Variants in EMB observed in about 807,000 individuals in gnomAD.
EMB encodes the protein embigin homolog.
A neutral mutation model predicts 41.4 loss-of-function variants in EMB; 31 were observed. The observed-to-expected ratio is 0.75, with a 90% CI of 0.56 to 1.01. The LOEUF (loss-of-function observed/expected upper bound fraction) is 1.01. EMB is among the 50% of genes least tolerant of loss of function. The pLI is 0.00. For missense variants in EMB, 379 were observed against 388.3 expected, an observed-to-expected ratio of 0.98 and a Z score of 0.20; for synonymous variants, 137 against 140.4, an observed-to-expected ratio of 0.98 and a Z score of 0.17.
intron 1 of EMB, among the ~76,000 whole-genome samples, chr5:50,440,716 C>T (rs1280800171): frequency 2.0e-5 from 3 of 152,070 alleles, no homozygotes; most frequent in Non-Finnish European, 2.9e-5. Context: ...TCCCTGCAAC[C>T]ACCCACACAC....
At chr5:50,404,511 C>T (rs1294781221) in intron 5 of EMB, among the ~76,000 whole-genome samples, 3 of 151,834 alleles carry the variant, frequency 2.0e-5, no homozygotes, top group Non-Finnish European at 2.9e-5. Flanking sequence ...TGCTTAGAGT[C>T]AAATTAAGAG....
At position 50,403,555 on chromosome 5, in the gene EMB, C is replaced by T; in HGVS notation, c.601-101G>A. On this transcript the variant is annotated intron_variant, in intron 5 of 8. Coordinates refer to ENST00000303221, the MANE Select transcript of EMB (RefSeq NM_198449.3). Reference sequence around the variant, plus strand: ...CTATAAGATAATGCCAACAATATTGCTTACTAGAGAAAGGCATATTAAAGT... The same window carrying T: ...CTATAAGATAATGCCAACAATATTGTTTACTAGAGAAAGGCATATTAAAGT... 3 of 1,288,496 alleles carry T rather than the reference C, an allele frequency of 2.3e-6. No homozygotes were observed. The South Asian group carries it at 4.3e-5, about 18-fold the overall frequency. 79.8% of individuals were successfully genotyped at this position (1,288,496 alleles called of 1,614,324 possible).
chr5:50,415,341 C>G (rs1325199665), intron 2 of EMB, among the ~76,000 whole-genome samples: 4 of 152,116 alleles, frequency 2.6e-5, no homozygotes, highest in African/African-American at 9.7e-5. Context: ...TGCCTTGATT[C>G]TATACCTTGC....
chr5:50,428,476 A>T, intron 1 of EMB: 1 of 1,126,224 alleles, frequency 8.9e-7, no homozygotes, highest in Non-Finnish European at 1.1e-6. Context: ...GGCTTTTTTT[A>T]AATAACGCCT....
At chr5:50,420,012 C>T (rs1745491888) in intron 2 of EMB, among the ~76,000 whole-genome samples, 1 of 143,486 alleles carries the variant, frequency 7.0e-6, no homozygotes, top group Admixed American at 7.0e-5. Flanking sequence ...GGGAACAACA[C>T]ACATAGGGGC....
At chr5:50,411,167 A>G (rs1331536763) in intron 3 of EMB, 30 bp downstream of exon 3, 1 of 1,554,620 alleles carries the variant, frequency 6.4e-7, no homozygotes, top group Non-Finnish European at 8.7e-7. Flanking sequence ...ACTTTTGGTG[A>G]GCAAGGTAGG....
chr5:50,432,842 G>A (rs1745743316), intron 1 of EMB, among the ~76,000 whole-genome samples: 1 of 151,744 alleles, frequency 6.6e-6, no homozygotes, highest in Admixed American at 6.6e-5. Context: ...ACTTTGGGAG[G>A]CTGAGGCAGG....
intron 1 of EMB, among the ~76,000 whole-genome samples, chr5:50,429,061 A>T (rs1745670249): frequency 6.6e-6 from 1 of 151,948 alleles, no homozygotes; most frequent in African/African-American, 2.4e-5. Context: ...ACGCCCAGCT[A>T]ATTTTTGTGT....
intron 1 of EMB, among the ~76,000 whole-genome samples, chr5:50,433,965 C>T (rs1322981973): frequency 6.6e-6 from 1 of 152,184 alleles, no homozygotes; most frequent in Non-Finnish European, 1.5e-5. Context: ...CATGATCATC[C>T]TCCCTCTGTA....
intron 2 of EMB, among the ~76,000 whole-genome samples, chr5:50,415,548 G>C (rs1366138169): frequency 1.3e-5 from 2 of 152,104 alleles, no homozygotes; most frequent in African/African-American, 4.8e-5. Flanking sequence ...ATCATATATG[G>C]TGCTAAGGGT....
chr5:50,408,369 T>A (rs1490834774), intron 4 of EMB, among the ~76,000 whole-genome samples: 1 of 152,056 alleles, frequency 6.6e-6, no homozygotes, highest in Non-Finnish European at 1.5e-5. Flanking sequence ...AATCAGCAAC[T>A]TATTAGCAGT....
At chr5:50,406,686 A>G (rs933481064) in intron 4 of EMB, among the ~76,000 whole-genome samples, 1 of 151,882 alleles carries the variant, frequency 6.6e-6, no homozygotes, top group African/African-American at 2.4e-5. Context: ...TCATCAACTA[A>G]GATTATTTTG....
chr5:50,411,734 C>T (rs1378032529), intron 2 of EMB: 1 of 158,742 alleles, frequency 6.3e-6, no homozygotes, highest in Non-Finnish European at 1.4e-5. Flanking sequence ...CAAACACACA[C>T]TCATGGGTGA....
At chr5:50,437,003 G>C (rs1745814590) in intron 1 of EMB, among the ~76,000 whole-genome samples, 1 of 152,194 alleles carries the variant, frequency 6.6e-6, no homozygotes, top group South Asian at 2.1e-4. Flanking sequence ...GGGCACCGTA[G>C]CTCTCGCCTA....
intron 2 of EMB, among the ~76,000 whole-genome samples, chr5:50,418,163 A>G (rs1422459063): frequency 6.6e-6 from 1 of 152,252 alleles, no homozygotes; most frequent in African/African-American, 2.4e-5. Flanking sequence ...TCTACAACAT[A>G]GAGAACACTG....
At position 50,403,226 on chromosome 5, in the gene EMB, T is replaced by G; in HGVS notation, c.829A>C (p.Thr277Pro). 1 of 1,612,228 alleles carries G rather than the reference T, an allele frequency of 6.2e-7. No individual in the cohort carries two copies. The highest frequency in any genetic ancestry group is 8.5e-7 in the Non-Finnish European group (1 of 1,178,998). The change falls in exon 6 of 9, where the codon ACC (threonine) becomes CCC (proline). Residue 277 changes from threonine (T) to proline (P), a missense_variant. Transcript: ENST00000303221. ...IVAEVILLVA[T>P]ILLCEKYTQK... Reference sequence around the variant, plus strand: ...GTGTACTTTTCACAAAGCAGAATGGTGGCCACTAAAAGAATCACCTCAGCC... The same window carrying G: ...GTGTACTTTTCACAAAGCAGAATGGGGGCCACTAAAAGAATCACCTCAGCC...
At chr5:50,401,069 T>C (rs1341927946) in intron 7 of EMB, among the ~76,000 whole-genome samples, 4 of 151,976 alleles carry the variant, frequency 2.6e-5, no homozygotes, top group African/African-American at 7.2e-5. Flanking sequence ...ATAGGAAAGA[T>C]TAAAAGTTCA....
intron 1 of EMB, among the ~76,000 whole-genome samples, chr5:50,435,002 G>T (rs969150543): frequency 2.0e-5 from 3 of 152,202 alleles, no homozygotes; most frequent in African/African-American, 7.2e-5. Context: ...CTCAACACAT[G>T]TGATTTGTTT....
At chr5:50,427,819 T>C (rs1420191693) in intron 2 of EMB, among the ~76,000 whole-genome samples, 1 of 152,210 alleles carries the variant, frequency 6.6e-6, no homozygotes, top group Non-Finnish European at 1.5e-5. Context: ...CTTCTTGACC[T>C]AGAGTGATGT....
Sources: allele counts gnomAD v4.1 joint callset (sites outside exome capture counted in the v4.1 genomes callset), GRCh38; gene constraint gnomAD v4.1.1; transcripts MANE v1.5; gene names NCBI Gene and HGNC (gene_info 2026-07-23, HGNC 2026-07-21).